Variants in SMARCAL1 observed in about 807,000 individuals in gnomAD.
SMARCAL1 encodes ATP-driven annealing helicase.
SMARCAL1 carries 58 observed loss-of-function variants against 94.5 expected under a neutral mutation model. The ratio of observed to expected loss-of-function variants is 0.61; its 90% confidence interval spans 0.50 to 0.76. The LOEUF (loss-of-function observed/expected upper bound fraction) is 0.76, where lower values mean the gene tolerates loss of function less well. Ranked by LOEUF, SMARCAL1 falls within the 30% of genes least tolerant of loss-of-function variation. The pLI is 0.00. For synonymous variants in SMARCAL1, 422 were observed against 455.1 expected, an observed-to-expected ratio of 0.93 and a Z score of 0.93; for missense variants, 1,051 against 1,177.9, an observed-to-expected ratio of 0.89 and a Z score of 1.58.
At chr2:216,477,308 TA>T in intron 16 of SMARCAL1, 99 bp downstream of exon 16, 1 of 854,894 alleles carries the variant, frequency 1.2e-6, no homozygotes, top group African/African-American at 1.7e-5. Context: ...TTTTGCTAAG[TA>T]AGGTCTTTAA....
chr2:216,423,596 G>C, intron 5 of SMARCAL1, 37 bp from the exon 6 acceptor site: 1 of 1,553,870 alleles, frequency 6.4e-7, no homozygotes, highest in Non-Finnish European at 8.9e-7. Context: ...AGAAGGGCAG[G>C]GTGTCCTATT....
intron 9 of SMARCAL1, among the ~76,000 whole-genome samples, chr2:216,435,789 G>A (rs1442066212): frequency 6.6e-6 from 1 of 151,952 alleles, no homozygotes; most frequent in African/African-American, 2.4e-5. Flanking sequence ...CATGGATGGA[G>A]GCCAGCATGT....
intron 9 of SMARCAL1, among the ~76,000 whole-genome samples, chr2:216,436,632 A>G (rs559790416): frequency 1.3e-5 from 2 of 152,368 alleles, no homozygotes; most frequent in Admixed American, 6.5e-5. Context: ...CACAAATTCA[A>G]GTGTGGCTTT....
chr2:216,422,024 C>T (rs1046387850), intron 5 of SMARCAL1, among the ~76,000 whole-genome samples: 4 of 152,110 alleles, frequency 2.6e-5, no homozygotes, highest in East Asian at 1.9e-4. Flanking sequence ...AGCTGCTCCA[C>T]GACAGTCTAG....
At chr2:216,459,617 A>G (rs1422553092) in intron 12 of SMARCAL1, among the ~76,000 whole-genome samples, 2 of 152,186 alleles carry the variant, frequency 1.3e-5, no homozygotes, top group Admixed American at 6.5e-5. Context: ...GGTGCTGGGA[A>G]AACTGGCTAG....
chr2:216,441,012 T>C (rs1025779867), intron 10 of SMARCAL1, among the ~76,000 whole-genome samples: 4 of 152,166 alleles, frequency 2.6e-5, no homozygotes, highest in African/African-American at 7.2e-5. Flanking sequence ...TTTGGAATAA[T>C]AAGATAGTTG....
chr2:216,477,340 A>G lies in SMARCAL1; in HGVS notation c.2528+131A>G, dbSNP rs205980. Reference sequence around the variant, plus strand: ...TTTAAGGATCTATAGAAAATTGACTAGTGATGCCCTCCTGCTTTCATCATG... The same window carrying G: ...TTTAAGGATCTATAGAAAATTGACTGGTGATGCCCTCCTGCTTTCATCATG... On this transcript the variant is annotated intron_variant, in intron 16 of 17. Transcript: ENST00000357276. 243,993 of 745,476 alleles carry G rather than the reference A, an allele frequency of 0.33. 41,637 individuals are homozygous for G. Among genetic ancestry groups the G allele is most frequent in the African/African-American group, 0.49 (28,167 of 57,834 alleles). 46.2% of individuals were successfully genotyped at this position (745,476 alleles called of 1,614,324 possible). A position where few individuals can be genotyped will look rare whatever the true frequency, so the allele number is the denominator to read the frequency against.
In SMARCAL1 at chr2:216,475,419, G is replaced by A. The variant is rs1223074564; in HGVS notation, c.2395G>A (p.Val799Met). ...MGLTFSSADL[V>M]VFAELFWNPG... ...CCTCACCTTCTCCTCGGCTGACCTGGTGGTGTTTGCTGAGCTGTTTTGGAA... is the reference window on the plus strand; with the variant it reads ...CCTCACCTTCTCCTCGGCTGACCTGATGGTGTTTGCTGAGCTGTTTTGGAA... Residue 799 changes from valine to methionine, a missense_variant, in exon 15 of 18, where the codon GTG (valine) becomes ATG (methionine). This residue lies in a region of SMARCAL1 where 642 missense variants were observed against 754.7 expected (regional missense o/e 0.85). Transcript: ENST00000357276. The surrounding 1 kb of genome is among the most constrained non-coding windows in gnomAD (Gnocchi z 4.4). The A allele has an allele frequency of 2.5e-6, 4 of 1,614,206 alleles. No individual in the cohort carries two copies. The East Asian group carries it at 8.9e-5, about 36-fold the overall frequency.
chr2:216,448,366 T>C (rs1222317743), intron 11 of SMARCAL1, among the ~76,000 whole-genome samples: 1 of 152,246 alleles, frequency 6.6e-6, no homozygotes, highest in African/African-American at 2.4e-5. Flanking sequence ...TTCTTGACTA[T>C]ATGGGCCCAT....
At chr2:216,415,828 G>A in intron 3 of SMARCAL1, 1 of 438,388 alleles carries the variant, frequency 2.3e-6, no homozygotes. Context: ...ATAAGTAGAT[G>A]TTATTTTAGT....
chr2:216,441,131 A>G (rs1268337705), intron 10 of SMARCAL1, among the ~76,000 whole-genome samples: 1 of 152,244 alleles, frequency 6.6e-6, no homozygotes, highest in Non-Finnish European at 1.5e-5. Context: ...GATAATTAAT[A>G]TTACAAGCAT....
At chr2:216,446,709 G>T in intron 10 of SMARCAL1, 2 of 530,386 alleles carry the variant, frequency 3.8e-6, no homozygotes, top group Non-Finnish European at 7.3e-6. Flanking sequence ...ATATGCTACA[G>T]AAAATAAAGG....
chr2:216,415,473 G>T lies in SMARCAL1; in HGVS notation c.769G>T (p.Glu257Ter), dbSNP rs757390175. 2 of 1,614,084 alleles carry T rather than the reference G, an allele frequency of 1.2e-6. No individual in the cohort carries two copies. Among genetic ancestry groups the T allele is most frequent in the Non-Finnish European group, 8.5e-7 (1 of 1,180,026 alleles). Reference protein sequence around the residue: ...RFQVLIGYNAELIAVFKTLPS... With the variant: ...RFQVLIGYNA Reference sequence around the variant, plus strand: ...CCAGGTGTTGATTGGGTACAATGCGGAACTCATTGCAGTGTTTAAGACCCT... The same window carrying T: ...CCAGGTGTTGATTGGGTACAATGCGTAACTCATTGCAGTGTTTAAGACCCT... Residue 257 changes from glutamate to a stop codon, truncating the protein, a stop_gained, in exon 3 of 18, where the codon GAA (glutamate) becomes TAA (stop). Coordinates refer to ENST00000357276, the MANE Select transcript of SMARCAL1 (RefSeq NM_014140.4). LOFTEE classifies it high-confidence loss of function.
intron 12 of SMARCAL1, among the ~76,000 whole-genome samples, chr2:216,462,837 A>T (rs1046161314): frequency 1.1e-4 from 16 of 152,012 alleles, no homozygotes; most frequent in South Asian, 4.2e-4. Context: ...AATAAAAAAA[A>T]AAAAAAAGCT....
intron 17 of SMARCAL1, among the ~76,000 whole-genome samples, chr2:216,480,257 C>T (rs987992664): frequency 6.6e-6 from 1 of 152,040 alleles, no homozygotes; most frequent in Non-Finnish European, 1.5e-5. Context: ...ATTTTATCAA[C>T]TACTAGAAAA....
At chr2:216,447,446 C>T (rs868815124) in intron 11 of SMARCAL1, among the ~76,000 whole-genome samples, 3 of 152,012 alleles carry the variant, frequency 2.0e-5, no homozygotes, top group Admixed American at 1.3e-4. Context: ...CTCTGAGAGC[C>T]GGCTTCCCTC....
At chr2:216,428,547 C>A (rs1281632003) in intron 6 of SMARCAL1, 49 bp from the exon 7 acceptor site, 1 of 1,573,206 alleles carries the variant, frequency 6.4e-7, no homozygotes, top group Admixed American at 1.7e-5. Context: ...TTCTCCAAAT[C>A]TTTTGGGCAT....
At chr2:216,427,329 T>C (rs1473185328) in intron 6 of SMARCAL1, 2 of 152,200 alleles carry the variant, frequency 1.3e-5, no homozygotes, top group Non-Finnish European at 2.9e-5. Context: ...CAGTAGTTGG[T>C]AGGAGACAGA....
chr2:216,473,196 G>T (rs284525), intron 14 of SMARCAL1, among the ~76,000 whole-genome samples: 46,150 of 151,194 alleles, frequency 0.31, 8,731 homozygotes, highest in East Asian at 0.55. Context: ...TCTGGTCTAC[G>T]GTCTGTCACT....
Sources: allele counts gnomAD v4.1 joint callset (sites outside exome capture counted in the v4.1 genomes callset), GRCh38; gene constraint gnomAD v4.1.1; regional missense constraint gnomAD v4.1.1; non-coding constraint Gnocchi (gnomAD v3.1); transcripts MANE v1.5; gene names NCBI Gene and HGNC (gene_info 2026-07-23, HGNC 2026-07-21).